Variants in MALT1 observed in about 807,000 individuals in gnomAD.
MALT1 encodes the protein MALT1 paracaspase.
In MALT1, 36 loss-of-function variants were observed where a neutral mutation model predicts 85.5. The observed-to-expected ratio is 0.42, with a 90% CI of 0.32 to 0.56. The LOEUF (loss-of-function observed/expected upper bound fraction) is 0.56. Among genes scored for constraint, MALT1 ranks in the 20% least tolerant of loss-of-function variants. MALT1 has a pLI of 0.10. For synonymous variants in MALT1, 359 were observed against 361.3 expected (o/e 0.99, Z 0.07); for missense variants, 716 against 981.6 (o/e 0.73, Z 3.62).
At position 58,751,720 on chromosome 18, in the gene MALT1, T is replaced by G. The variant is rs1312689426; in HGVS notation, c.*3878T>G. On this transcript the variant is annotated 3_prime_UTR_variant, in exon 17 of 17. Coordinates refer to ENST00000649217, the MANE Select transcript of MALT1 (RefSeq NM_006785.4). ...ACCAATTAGAATGTAATAAAGAAAT[T>G]AGGATAGTGGAGGTTTGAGCAAGTA... 1 of 152,134 alleles carries G rather than the reference T, an allele frequency of 6.6e-6. No homozygotes were observed. Among genetic ancestry groups the G allele is most frequent in the East Asian group, 1.9e-4 (1 of 5,198 alleles). 9.4% of individuals were successfully genotyped at this position (152,134 alleles called of 1,614,324 possible).
chr18:58,714,063 T>G lies in MALT1; in HGVS notation c.959-20T>G. 1 of 1,152,428 alleles carries G rather than the reference T, an allele frequency of 8.7e-7. No homozygotes were observed. Among genetic ancestry groups the G allele is most frequent in the East Asian group, 2.4e-5 (1 of 41,024 alleles). 71.4% of individuals were successfully genotyped at this position (1,152,428 alleles called of 1,614,324 possible). A position where few individuals can be genotyped will look rare whatever the true frequency, so the allele number is the denominator to read the frequency against. ...TTGGTGTTTAGATTACTTAATCTATTTTCTCTTACTTTGTTTTAGATGAAT... is the reference window on the plus strand; with the variant it reads ...TTGGTGTTTAGATTACTTAATCTATGTTCTCTTACTTTGTTTTAGATGAAT... On this transcript the variant is annotated intron_variant, in intron 7 of 16. Coordinates refer to ENST00000649217, the MANE Select transcript of MALT1 (RefSeq NM_006785.4).
At chr18:58,741,306 T>A (rs1027931575) in intron 13 of MALT1, 6 of 152,114 alleles carry the variant, frequency 3.9e-5, no homozygotes, top group Non-Finnish European at 5.9e-5. Flanking sequence ...TTATCTTTTT[T>A]AAAAAAATTG....
At chr18:58,741,710 A>G (rs112051220) in intron 13 of MALT1, 155 bp from the exon 14 acceptor site, 1 of 443,158 alleles carries the variant, frequency 2.3e-6, no homozygotes, top group Non-Finnish European at 3.9e-6. Flanking sequence ...CATGCCTGAT[A>G]TGTCTGGCAC....
chr18:58,702,219 G>C (rs991300742), intron 4 of MALT1, among the ~76,000 whole-genome samples: 2 of 35,086 alleles, frequency 5.7e-5, no homozygotes, highest in East Asian at 1.6e-3. Flanking sequence ...CAAAAAAAAT[G>C]CAAAAAAAAA....
rs1475565022 is a variant in MALT1 at position 58,733,604 on chromosome 18, G to A, written c.1400+30G>A. ...GTTTTCTAATCTTTATTAAAGAATTGTTGGAGTTAAATATCGACCATGACA... is the reference window on the plus strand; with the variant it reads ...GTTTTCTAATCTTTATTAAAGAATTATTGGAGTTAAATATCGACCATGACA... On this transcript the variant is annotated intron_variant, in intron 11 of 16. Coordinates refer to ENST00000649217, the MANE Select transcript of MALT1 (RefSeq NM_006785.4). 4.2e-5 allele frequency: 62 copies of A among 1,489,022 alleles called. No homozygotes were observed. In the Admixed American group the frequency reaches 1.1e-3, roughly 25 times the overall value. 92.2% of individuals were successfully genotyped at this position (1,489,022 alleles called of 1,614,324 possible).
chr18:58,728,982 G>T (rs2055105959), intron 10 of MALT1, among the ~76,000 whole-genome samples: 1 of 152,138 alleles, frequency 6.6e-6, no homozygotes. Context: ...AATACCAGTT[G>T]TTGAAATGGT....
intron 4 of MALT1, among the ~76,000 whole-genome samples, chr18:58,704,249 C>G (rs376498155): frequency 2.0e-5 from 3 of 152,128 alleles, no homozygotes; most frequent in Non-Finnish European, 4.4e-5. Context: ...TCTTAACTGC[C>G]AAAGTTTCCA....
intron 4 of MALT1, among the ~76,000 whole-genome samples, chr18:58,708,733 G>A (rs113252375): frequency 4.3e-4 from 65 of 152,304 alleles, no homozygotes; most frequent in Middle Eastern, 3.4e-3. Flanking sequence ...ATATCTATAA[G>A]TGGAATCATA....
intron 2 of MALT1, among the ~76,000 whole-genome samples, chr18:58,682,503 A>G (rs1396058896): frequency 6.6e-6 from 1 of 152,188 alleles, no homozygotes; most frequent in East Asian, 1.9e-4. Flanking sequence ...ACATAGCGCA[A>G]GACGTCTGCT....
At chr18:58,689,561 C>T (rs896467231) in intron 2 of MALT1, among the ~76,000 whole-genome samples, 1 of 152,186 alleles carries the variant, frequency 6.6e-6, no homozygotes, top group Non-Finnish European at 1.5e-5. Context: ...TGACTAAGAC[C>T]ATCAAGGTCC....
chr18:58,749,700 A>G lies in MALT1; in HGVS notation c.*1858A>G, dbSNP rs972360483. ...GAGGATCAACTGTACCATATTTAATAAAGCACAAAACCCACACAGATTGTC... is the reference window on the plus strand; with the variant it reads ...GAGGATCAACTGTACCATATTTAATGAAGCACAAAACCCACACAGATTGTC... On this transcript the variant is annotated 3_prime_UTR_variant, in exon 17 of 17. Transcript: ENST00000649217. 12 of 221,054 alleles carry G rather than the reference A, an allele frequency of 5.4e-5. No individual in the cohort carries two copies. The highest frequency in any genetic ancestry group is 1.1e-4 in the Non-Finnish European group (12 of 110,444). The allele number at this position is 221,054 out of a possible 1,614,324, so 13.7% of individuals were successfully genotyped here.
Position 58,753,823 on chromosome 18 carries a change from T to C in MALT1, c.*5981T>C, listed in dbSNP as rs1239473211. ...CATTTTTAACTTTTCGTAAGGAGTCTTCAGTTTAAAAGTACAGTGTCATTA... is the reference window on the plus strand; with the variant it reads ...CATTTTTAACTTTTCGTAAGGAGTCCTCAGTTTAAAAGTACAGTGTCATTA... On this transcript the variant is annotated 3_prime_UTR_variant, in exon 17 of 17. Transcript: ENST00000649217. The C allele has an allele frequency of 6.6e-6, 1 of 152,236 alleles. No individual in the cohort carries two copies. The highest frequency in any genetic ancestry group is 1.5e-5 in the Non-Finnish European group (1 of 68,044). The allele number at this position is 152,236 out of a possible 1,614,324, so 9.4% of individuals were successfully genotyped here. A position where few individuals can be genotyped will look rare whatever the true frequency, so the allele number is the denominator to read the frequency against.
rs564521570 is a variant in MALT1 at position 58,677,293 on chromosome 18, G to A, written c.210-3877G>A. Reference sequence around the variant, plus strand: ...GATCTTTGTTCTTTTGGGGGGGAAGGAAAGCCAAGTGTTTTTAATTTTCTC... The same window carrying A: ...GATCTTTGTTCTTTTGGGGGGGAAGAAAAGCCAAGTGTTTTTAATTTTCTC... On this transcript the variant is annotated intron_variant, in intron 1 of 16. Transcript: ENST00000649217. Among the ~76,000 whole-genome samples, 7 of 152,228 alleles carry A rather than the reference G, an allele frequency of 4.6e-5. No homozygotes were observed. The South Asian group carries it at 1.5e-3, about 32-fold the overall frequency.
At chr18:58,731,359 C>G (rs563624682) in intron 10 of MALT1, among the ~76,000 whole-genome samples, 110 of 152,308 alleles carry the variant, frequency 7.2e-4, no homozygotes, top group Middle Eastern at 3.4e-3. Context: ...TGTGGGTTGT[C>G]TTTTCACTTT....
intron 13 of MALT1, 118 bp downstream of exon 13, chr18:58,735,447 A>G (rs939884715): frequency 1.9e-6 from 2 of 1,056,366 alleles, no homozygotes; most frequent in African/African-American, 3.3e-5. Flanking sequence ...TGGAATTAGT[A>G]CCTACTTTAT....
chr18:58,697,827 T>C (rs1025690171), intron 3 of MALT1, among the ~76,000 whole-genome samples: 1 of 152,152 alleles, frequency 6.6e-6, no homozygotes, highest in Non-Finnish European at 1.5e-5. Context: ...TGAGCACCTG[T>C]TTTGTGCCGG....
At chr18:58,725,812 G>C (rs1568147079) in intron 10 of MALT1, among the ~76,000 whole-genome samples, 1 of 152,188 alleles carries the variant, frequency 6.6e-6, no homozygotes, top group South Asian at 2.1e-4. Context: ...TGTAATCCCA[G>C]CACTTTGGGA....
chr18:58,676,901 G>T (rs1315769759), intron 1 of MALT1, among the ~76,000 whole-genome samples: 1 of 152,074 alleles, frequency 6.6e-6, no homozygotes, highest in African/African-American at 2.4e-5. Flanking sequence ...AGAAGCAGAA[G>T]AACCTAAAAA....
At chr18:58,701,884 A>C (rs889165537) in intron 4 of MALT1, among the ~76,000 whole-genome samples, 1 of 152,208 alleles carries the variant, frequency 6.6e-6, no homozygotes, top group Non-Finnish European at 1.5e-5. Flanking sequence ...CAAACACTCA[A>C]TAACCAATAG....
Sources: gnomAD v4.1 joint callset for allele counts (sites outside exome capture counted in the v4.1 genomes callset) on GRCh38, gnomAD v4.1.1 for gene constraint, MANE v1.5 for transcripts, NCBI Gene and HGNC (gene_info 2026-07-23, HGNC 2026-07-21) for gene names.